The following DNAH2 variants were observed in gnomAD, a reference collection of about 807,000 sequenced individuals.
The protein encoded by DNAH2 is axonemal beta dynein heavy chain 2.
A neutral mutation model predicts 523.5 loss-of-function variants in DNAH2; 323 were observed. The observed-to-expected ratio is 0.62, with a 90% CI of 0.56 to 0.68. The LOEUF (loss-of-function observed/expected upper bound fraction) is 0.68. Ranked by LOEUF, DNAH2 falls within the 30% of genes least tolerant of loss-of-function variation. The pLI, the probability that DNAH2 is intolerant of heterozygous loss-of-function variation, is 0.00. For synonymous variants in DNAH2, 2,093 were observed against 2,177.4 expected (o/e 0.96, Z 1.08); for missense variants, 4,907 against 5,701.5 (o/e 0.86, Z 4.49).
chr17:7,764,005 C>T lies in DNAH2; in HGVS notation c.3153C>T (p.His1051=), dbSNP rs1176588516. The T allele has an allele frequency of 3.7e-6, 6 of 1,614,196 alleles. No homozygotes were observed. The South Asian group carries it at 5.5e-5, about 15-fold the overall frequency. ...CTGCTGGGCGCCTCCTGGAGCTGCA[C>T]ACCTACCTGAAGGAGAACGCAGAGA... ...EMAAGRLLEL[H]TYLKENAEKI... Residue 1051 remains histidine, a synonymous_variant, in exon 19 of 86, where the codon CAC becomes CAT. Coordinates refer to ENST00000572933, the MANE Select transcript of DNAH2 (RefSeq NM_020877.5).
chr17:7,802,204 C>G (rs1349773017), intron 58 of DNAH2, among the ~76,000 whole-genome samples, 187 bp downstream of exon 58: 1 of 152,224 alleles, frequency 6.6e-6, no homozygotes, highest in Non-Finnish European at 1.5e-5. Context: ...CTATGTCCCC[C>G]TCAGCCGCTC....
In DNAH2 at chr17:7,792,293, T is replaced by C; in HGVS notation, c.7095T>C (p.Ser2365=). 1 of 1,613,698 alleles carries C rather than the reference T, an allele frequency of 6.2e-7. No individual in the cohort carries two copies. Among genetic ancestry groups the C allele is most frequent in the Non-Finnish European group, 8.5e-7 (1 of 1,179,944 alleles). The change falls in exon 46 of 86, where the codon AGT becomes AGC. Residue 2365 remains serine (S), a synonymous_variant. Coordinates refer to ENST00000572933, the MANE Select transcript of DNAH2 (RefSeq NM_020877.5). ...YEYFVDPKIR[S]WTSFEDKLPK... is the part of the protein sequence containing the mutation. ...ATTTTGTGGACCCCAAAATACGGAG[T>C]TGGACATCATTTGAGGACAAGCTCC...
chr17:7,816,898 T>A (rs1041571552), intron 64 of DNAH2, among the ~76,000 whole-genome samples, 163 bp downstream of exon 64: 10 of 152,168 alleles, frequency 6.6e-5, no homozygotes, highest in African/African-American at 2.4e-4. Context: ...CTGCACACCT[T>A]TGGTGAGAGC....
rs1312370265 is a variant in DNAH2, at chr17:7,830,707, C to G, written c.12095C>G (p.Pro4032Arg). The change falls in exon 79 of 86, where the codon CCT becomes CGT. Residue 4032 changes from proline (P) to arginine (R), a missense_variant. By Grantham distance (103) the Pro-to-Arg change is moderately radical. Transcript: ENST00000572933. ...SLYLDEYEET[P>R]WDALKYLIAG... ...TATCTCGATGAGTACGAGGAGACAC[C>G]TTGGGACGCACTTAAGTACCTCATT... The G allele has an allele frequency of 6.2e-7, 1 of 1,614,150 alleles. No homozygotes were observed. Among genetic ancestry groups the G allele is most frequent in the Admixed American group, 1.7e-5 (1 of 60,010 alleles).
chr17:7,758,461 T>TC, intron 13 of DNAH2, 34 bp from the exon 14 acceptor site: 1 of 1,597,478 alleles, frequency 6.3e-7, no homozygotes, highest in Non-Finnish European at 8.5e-7. Context: ...TCAGGGCTTG[T>TC]CCCCTCTGGA....
Position 7,788,181 on chromosome 17 carries a change from C to A in DNAH2, c.6837C>A (p.Pro2279=). Residue 2279 remains proline, a synonymous_variant, in exon 44 of 86, where the codon CCC becomes CCA. Transcript: ENST00000572933. ...ACTGCAAGGAGCTGGTGCCCCTGCC[C>A]GAGTACAGCGGTATCACCTCCCTCT... ...KDNCKELVPL[P]EYSGITSLCK... 6.2e-7 allele frequency: 1 copy of A among 1,612,724 alleles called. No individual in the cohort carries two copies.
At chr17:7,753,319 T>C (rs868093505) in intron 12 of DNAH2, among the ~76,000 whole-genome samples, 6 of 152,146 alleles carry the variant, frequency 3.9e-5, no homozygotes, top group African/African-American at 1.4e-4. Flanking sequence ...AGCTATCTAG[T>C]AGACAGTTGC....
rs1485582680 is a variant in DNAH2, at chr17:7,739,754, T to C, written c.1192T>C (p.Phe398Leu). ...FRKVCDCQYH[F>L]ARWEDGKQGP... ...TTAGGTATGTGACTGTCAGTATCAC[T>C]TCGCCCGCTGGGAAGATGGCAAGCA... Residue 398 changes from phenylalanine to leucine, a missense_variant, in exon 9 of 86, where the codon TTC becomes CTC. By Grantham distance (22) the Phe-to-Leu change is conservative. Transcript: ENST00000572933. The C allele has an allele frequency of 6.2e-7, 1 of 1,613,458 alleles. No individual in the cohort carries two copies. Among genetic ancestry groups the C allele is most frequent in the South Asian group, 1.1e-5 (1 of 91,048 alleles).
chr17:7,803,654 A>G (rs1021763170), intron 58 of DNAH2, among the ~76,000 whole-genome samples: 10 of 150,070 alleles, frequency 6.7e-5, no homozygotes, highest in African/African-American at 2.5e-4. Flanking sequence ...TGGGTGACAG[A>G]TCGAGACTCC....
intron 39 of DNAH2, among the ~76,000 whole-genome samples, chr17:7,783,815 A>C (rs1483747306): frequency 6.6e-6 from 1 of 151,528 alleles, no homozygotes; most frequent in African/African-American, 2.4e-5. Flanking sequence ...AAAAAAAAAC[A>C]AAAAACAGAA....
At chr17:7,774,279 C>T (rs1287256435) in intron 28 of DNAH2, among the ~76,000 whole-genome samples, 2 of 152,046 alleles carry the variant, frequency 1.3e-5, no homozygotes, top group Non-Finnish European at 2.9e-5. Flanking sequence ...GACTCACGGG[C>T]AGGGAACCTC....
Position 7,719,879 on chromosome 17 carries a change from G to C in DNAH2, c.145G>C (p.Glu49Gln). 6.4e-7 allele frequency: 1 copy of C among 1,573,238 alleles called. No individual in the cohort carries two copies. Among genetic ancestry groups the C allele is most frequent in the Non-Finnish European group, 8.6e-7 (1 of 1,160,216 alleles). The change falls in exon 2 of 86, where the codon GAG becomes CAG. Residue 49 changes from glutamate to glutamine, a missense_variant. Physicochemically the swap from Glu to Gln is conservative, Grantham distance 29. Coordinates refer to ENST00000572933, the MANE Select transcript of DNAH2 (RefSeq NM_020877.5). ...TGTCAGTGAGCCAGAGCTGCAGGCT[G>C]AGCTCCCCAAGGAGGAGCCTGGTGG... The part of the protein sequence containing the change: ...PAVSEPELQA[E>Q]LPKEEPEPRL...
chr17:7,766,480 AGGT>A lies in DNAH2; in HGVS notation c.3675+4_3675+6del. ...TCCAAGGACCTTCAGAACCTGGAGA[AGGT>A]GGTGTGCTGAGCAAGGACCCTGTGG... On this transcript the variant is annotated splice_donor_variant and coding_sequence_variant, in exon 22 of 86. Transcript: ENST00000572933. LOFTEE classifies it high-confidence loss of function. 1 of 1,613,718 alleles carries A rather than the reference AGGT, an allele frequency of 6.2e-7. No individual in the cohort carries two copies. Among genetic ancestry groups the A allele is most frequent in the Non-Finnish European group, 8.5e-7 (1 of 1,179,822 alleles).
rs147431690 is a variant in DNAH2 at position 7,787,027 on chromosome 17, C to T, written c.6597C>T (p.Pro2199=). The T allele has an allele frequency of 5.3e-4, 855 of 1,614,016 alleles. 5 individuals carry two copies. The East Asian group carries it at 0.01, about 19-fold the overall frequency. ...TLINGERIAM[P]EQVSLLFEVE... is the part of the protein sequence containing the mutation. Reference sequence around the variant, plus strand: ...TCAACGGCGAGCGCATCGCGATGCCCGAGCAGGTCAGGGACGCGGCTGACT... The same window carrying T: ...TCAACGGCGAGCGCATCGCGATGCCTGAGCAGGTCAGGGACGCGGCTGACT... The change falls in exon 42 of 86, where the codon CCC becomes CCT. Residue 2199 remains proline (P), a synonymous_variant. Coordinates refer to ENST00000572933, the MANE Select transcript of DNAH2 (RefSeq NM_020877.5).
chr17:7,821,441 C>T lies in DNAH2; in HGVS notation c.11142+72C>T. The T allele has an allele frequency of 6.5e-7, 1 of 1,529,656 alleles. No individual in the cohort carries two copies. The highest frequency in any genetic ancestry group is 8.8e-7 in the Non-Finnish European group (1 of 1,132,742). 94.8% of individuals were successfully genotyped at this position (1,529,656 alleles called of 1,614,324 possible). On this transcript the variant is annotated intron_variant, in intron 73 of 85. Transcript: ENST00000572933. This position sits in a 1 kb window ranked among gnomAD's most constrained non-coding sequence, Gnocchi z 5.0. The stretch of plus-strand genomic sequence containing the variant: ...GGGATGAGGGCAAGTGTGACAAGGA[C>T]TCCAGACCCAGAGGGTCAGGCCCAC...
intron 3 of DNAH2, 133 bp from the exon 4 acceptor site, chr17:7,726,989 T>G: frequency 1.1e-6 from 1 of 934,936 alleles, no homozygotes; most frequent in Non-Finnish European, 1.5e-6. Flanking sequence ...AAAGCTATCT[T>G]TCAGTTTCTC....
At chr17:7,809,774 A>G (rs920160928) in intron 63 of DNAH2, among the ~76,000 whole-genome samples, 2 of 152,134 alleles carry the variant, frequency 1.3e-5, no homozygotes, top group African/African-American at 2.4e-5. Context: ...GAGAAAGCAG[A>G]CAGGGAACAA....
In DNAH2 at chr17:7,798,957, G is replaced by T. The variant is rs1391897080; in HGVS notation, c.8560-146G>T. 8.3e-6 allele frequency: 10 copies of T among 1,207,288 alleles called. No homozygotes were observed. Among genetic ancestry groups the T allele is most frequent in the African/African-American group, 4.5e-5 (3 of 66,286 alleles). The allele number at this position is 1,207,288 out of a possible 1,614,324, so 74.8% of individuals were successfully genotyped here. A position where few individuals can be genotyped will look rare whatever the true frequency, so the allele number is the denominator to read the frequency against. On this transcript the variant is annotated intron_variant, in intron 55 of 85. Coordinates refer to ENST00000572933, the MANE Select transcript of DNAH2 (RefSeq NM_020877.5). The surrounding 1 kb of genome is among the most constrained non-coding windows in gnomAD (Gnocchi z 5.5). The stretch of plus-strand genomic sequence containing the variant: ...CTTGTAGTTCCAGCTACTCGGGGGT[G>T]GGGGGTGCTGAAGTGGGAGGATGGT...
chr17:7,832,063 G>A lies in DNAH2; in HGVS notation c.12726+288G>A, dbSNP rs1312383283. 6.6e-6 allele frequency among the ~76,000 whole-genome samples: 1 copy of A among 152,144 alleles called. No individual in the cohort carries two copies. Among genetic ancestry groups the A allele is most frequent in the Non-Finnish European group, 1.5e-5 (1 of 68,026 alleles). On this transcript the variant is annotated intron_variant, in intron 82 of 85. Coordinates refer to ENST00000572933, the MANE Select transcript of DNAH2 (RefSeq NM_020877.5). This position sits in a 1 kb window ranked among gnomAD's most constrained non-coding sequence, Gnocchi z 4.3. Reference sequence around the variant, plus strand: ...AGTAGGTGCTTCATCAATGCTACCTGGTTAATATTACTGCGGTCATTGTTA... The same window carrying A: ...AGTAGGTGCTTCATCAATGCTACCTAGTTAATATTACTGCGGTCATTGTTA...
Sources: gnomAD v4.1 joint callset for allele counts (sites outside exome capture counted in the v4.1 genomes callset) on GRCh38, gnomAD v4.1.1 for gene constraint, Gnocchi (gnomAD v3.1) non-coding constraint, MANE v1.5 for transcripts, NCBI Gene and HGNC (gene_info 2026-07-23, HGNC 2026-07-21) for gene names.